Variants in CHN1 observed in about 807,000 individuals in gnomAD.
The protein encoded by CHN1 is N-chimaerin.
Under a neutral mutation model 59.5 loss-of-function variants are expected in CHN1, and 37 were observed. That is an observed-to-expected ratio of 0.62 (90% CI 0.48 to 0.82). The LOEUF (loss-of-function observed/expected upper bound fraction) is 0.82. Ranked by LOEUF, CHN1 falls within the 40% of genes least tolerant of loss-of-function variation. The probability of loss-of-function intolerance (pLI) is 0.00; values close to 1 mark genes in which losing one functional copy is unlikely to be tolerated. For synonymous variants in CHN1, 206 were observed against 200.4 expected (o/e 1.03, Z -0.24); for missense variants, 469 against 571.0 (o/e 0.82, Z 1.82).
intron 1 of CHN1, 48 bp downstream of exon 1, chr2:175,004,846 C>G: frequency 1.5e-6 from 2 of 1,307,466 alleles, no homozygotes; most frequent in East Asian, 3.3e-5. Context: ...CCCCCGAGCC[C>G]CGGGACGCGG....
chr2:174,979,458 A>T (rs1164849152), intron 1 of CHN1, among the ~76,000 whole-genome samples: 1 of 152,190 alleles, frequency 6.6e-6, no homozygotes, highest in Non-Finnish European at 1.5e-5. Context: ...CAGTCAACTC[A>T]GGAAACCTGC....
intron 5 of CHN1, among the ~76,000 whole-genome samples, chr2:174,893,199 A>C (rs1341576611): frequency 6.6e-6 from 1 of 152,198 alleles, no homozygotes; most frequent in Non-Finnish European, 1.5e-5. Flanking sequence ...CACAGATGAC[A>C]TCATCTCTTA....
intron 2 of CHN1, among the ~76,000 whole-genome samples, chr2:174,949,705 A>G (rs1051705788): frequency 4.6e-5 from 7 of 152,148 alleles, no homozygotes; most frequent in Non-Finnish European, 1.0e-4. Context: ...ATTTGCACAT[A>G]CTCAAATCTT....
intron 1 of CHN1, among the ~76,000 whole-genome samples, chr2:174,965,937 C>T (rs1311619741): frequency 6.6e-6 from 1 of 152,152 alleles, no homozygotes; most frequent in Non-Finnish European, 1.5e-5. Context: ...ACAAAGAAAA[C>T]ATCCAAGCTC....
Position 174,952,159 on chromosome 2 carries a change from CT to C in CHN1, c.58+4del. The C allele has an allele frequency of 7.0e-7, 1 of 1,433,484 alleles. No individual in the cohort carries two copies. Among genetic ancestry groups the C allele is most frequent in the Non-Finnish European group, 9.2e-7 (1 of 1,085,224 alleles). 88.8% of individuals were successfully genotyped at this position (1,433,484 alleles called of 1,614,324 possible). ...TATAACCCACACAATTATTTGTAGA[CT>C]TACAGTAAGATTTCCAAACAGGAGG... is the stretch of plus-strand genomic sequence containing the variant. On this transcript the variant is annotated splice_donor_region_variant and intron_variant, in intron 2 of 12. Coordinates refer to ENST00000409900, the MANE Select transcript of CHN1 (RefSeq NM_001822.7).
Position 174,928,649 on chromosome 2 carries a change from T to C in CHN1, c.115-10084A>G, listed in dbSNP as rs1250018369. On this transcript the variant is annotated intron_variant, in intron 3 of 12. Coordinates refer to ENST00000409900, the MANE Select transcript of CHN1 (RefSeq NM_001822.7). ...TGAACCTTCGCTGGACAAGGCAAAATATACATGTCTATAAATGCATTACTA... is the reference window on the plus strand; with the variant it reads ...TGAACCTTCGCTGGACAAGGCAAAACATACATGTCTATAAATGCATTACTA... Among the ~76,000 whole-genome samples, 3 of 152,262 alleles carry C rather than the reference T, an allele frequency of 2.0e-5. 1 individual carries two copies. The Middle Eastern group carries it at 0.01, about 518-fold the overall frequency.
intron 11 of CHN1, 125 bp from the exon 12 acceptor site, chr2:174,801,937 T>A: frequency 1.4e-6 from 1 of 705,908 alleles, no homozygotes; most frequent in Non-Finnish European, 2.4e-6. Flanking sequence ...CGTAATTCCT[T>A]GTCCACAGCT....
chr2:174,930,536 G>C (rs918998479), intron 3 of CHN1, among the ~76,000 whole-genome samples: 6 of 152,156 alleles, frequency 3.9e-5, no homozygotes, highest in African/African-American at 7.2e-5. Context: ...GCAGGGTATG[G>C]GGGTTGGGGG....
intron 10 of CHN1, 56 bp downstream of exon 10, chr2:174,811,455 C>T: frequency 8.5e-7 from 1 of 1,181,612 alleles, no homozygotes; most frequent in Non-Finnish European, 1.2e-6. Flanking sequence ...AGAAATTGTG[C>T]CTTTTTAGAA....
Position 174,877,862 on chromosome 2 carries a change from T to C in CHN1, c.527A>G (p.Gln176Arg). ...ETHDERDSTG[Q>R]DGVSEKRLTS... ...TACCCTTTTCTCTGACACCCCATCC[T>C]GGCCTGTAGAATCTCTCTCATCATG... Residue 176 changes from glutamine to arginine, a missense_variant, in exon 6 of 13, where the codon CAG becomes CGG. Physicochemically the swap from Gln to Arg is conservative, Grantham distance 43. Around this residue, in one of 5 missense-constraint regions of CHN1, gnomAD observed 81 missense variants for 71.7 expected, o/e 1.13. Transcript: ENST00000409900. 6.2e-7 allele frequency: 1 copy of C among 1,613,408 alleles called. No homozygotes were observed. Among genetic ancestry groups the C allele is most frequent in the African/African-American group, 1.3e-5 (1 of 75,044 alleles).
At chr2:174,851,400 C>T (rs546142188) in intron 6 of CHN1, among the ~76,000 whole-genome samples, 14 of 152,308 alleles carry the variant, frequency 9.2e-5, no homozygotes, top group African/African-American at 3.4e-4. Flanking sequence ...CCACCTCAGC[C>T]TCCTGAGTAG....
intron 3 of CHN1, among the ~76,000 whole-genome samples, chr2:174,928,673 T>C (rs774539834): frequency 4.6e-5 from 7 of 152,220 alleles, no homozygotes; most frequent in Non-Finnish European, 1.0e-4. Flanking sequence ...AATGCATTAC[T>C]ACCAGTTATC....
intron 1 of CHN1, among the ~76,000 whole-genome samples, chr2:174,959,719 A>C (rs1326909841): frequency 1.3e-5 from 2 of 152,176 alleles, no homozygotes; most frequent in Non-Finnish European, 2.9e-5. Context: ...GTCACACAAA[A>C]AGCTTCTGCG....
chr2:174,835,055 CAATA>C (rs1363790383), intron 7 of CHN1, among the ~76,000 whole-genome samples: 1 of 152,116 alleles, frequency 6.6e-6, no homozygotes, highest in Non-Finnish European at 1.5e-5. Context: ...GGTTACATGT[CAATA>C]AACCCACCAT....
rs1051474233 is a variant in CHN1, at chr2:174,915,054, C to T, written c.260+4G>A. 2.5e-6 allele frequency: 4 copies of T among 1,599,522 alleles called. No homozygotes were observed. The highest frequency in any genetic ancestry group is 2.7e-5 in the African/African-American group (2 of 74,570). On this transcript the variant is annotated splice_donor_region_variant and intron_variant, in intron 5 of 12. Transcript: ENST00000409900. ...ACAGTAGTAATTGCAGGCCCATGAC[C>T]AACCTTAAAGCCAAAGTGTAGGTCC... is the stretch of plus-strand genomic sequence containing the variant.
At chr2:174,891,993 T>C (rs1173905905) in intron 5 of CHN1, among the ~76,000 whole-genome samples, 1 of 151,978 alleles carries the variant, frequency 6.6e-6, no homozygotes, top group East Asian at 1.9e-4. Flanking sequence ...ACAAACTGGA[T>C]AACCTAAAAA....
intron 8 of CHN1, among the ~76,000 whole-genome samples, chr2:174,819,256 A>G (rs1685394606): frequency 6.6e-6 from 1 of 152,214 alleles, no homozygotes; most frequent in South Asian, 2.1e-4. Context: ...AATAAAAAAC[A>G]TTACTTCCAC....
At chr2:174,806,804 C>T (rs956985222) in intron 11 of CHN1, among the ~76,000 whole-genome samples, 3 of 152,304 alleles carry the variant, frequency 2.0e-5, no homozygotes, top group South Asian at 2.1e-4. Context: ...CGTATCTGCA[C>T]ATCTAAAGAA....
chr2:174,945,670 ATTT>A (rs199571795), intron 2 of CHN1, among the ~76,000 whole-genome samples: 1 of 151,486 alleles, frequency 6.6e-6, no homozygotes, highest in Admixed American at 6.6e-5. Context: ...TCTCTTAGAG[ATTT>A]TTTTTTCTAT....
Sources: gnomAD v4.1 joint callset for allele counts (sites outside exome capture counted in the v4.1 genomes callset) on GRCh38, gnomAD v4.1.1 for gene constraint, gnomAD v4.1.1 regional missense constraint, MANE v1.5 for transcripts, NCBI Gene and HGNC (gene_info 2026-07-23, HGNC 2026-07-21) for gene names.